Variants in WDR19 observed in about 807,000 individuals in gnomAD.
WDR19 encodes WD repeat domain 19, also known as WD repeat-containing protein 19.
In WDR19, 121 loss-of-function variants were observed where a neutral mutation model predicts 180.0. The observed-to-expected ratio is 0.67, with a 90% CI of 0.58 to 0.78. The LOEUF (loss-of-function observed/expected upper bound fraction) is 0.78. WDR19 is among the 30% of genes least tolerant of loss of function. The pLI is 0.00. For missense variants in WDR19, 1,450 were observed against 1,640.7 expected (o/e 0.88, Z 2.01); for synonymous variants, 497 against 540.7 (o/e 0.92, Z 1.12).
chr4:39,205,597 T>C lies in WDR19; in HGVS notation c.751T>C (p.Cys251Arg). 6.2e-7 allele frequency: 1 copy of C among 1,613,598 alleles called. No individual in the cohort carries two copies. Among genetic ancestry groups the C allele is most frequent in the Non-Finnish European group, 8.5e-7 (1 of 1,179,744 alleles). ...TGGCCGCATCATGATTGGTTTTTCATGTGGACATTTTGTGGTCATTTCTAC... is the reference window on the plus strand; with the variant it reads ...TGGCCGCATCATGATTGGTTTTTCACGTGGACATTTTGTGGTCATTTCTAC... ...GDGRIMIGFS[C>R]GHFVVISTHT... Residue 251 changes from cysteine to arginine, a missense_variant, in exon 9 of 37, where the codon TGT (cysteine) becomes CGT (arginine). Transcript: ENST00000399820.
At chr4:39,182,677 AAGAGAG>A (rs148579854) in intron 1 of WDR19, 114 bp downstream of exon 1, 25 of 1,404,574 alleles carry the variant, frequency 1.8e-5, no homozygotes, top group Admixed American at 8.2e-5. Context: ...GGAAATGAGG[AAGAGAG>A]AGAGAGAGAG....
chr4:39,245,698 A>G (rs562712524), intron 24 of WDR19, among the ~76,000 whole-genome samples: 1 of 152,322 alleles, frequency 6.6e-6, no homozygotes, highest in South Asian at 2.1e-4. Flanking sequence ...TTATAATGGA[A>G]GTTGAAATTT....
chr4:39,280,141 T>TTTTTTTTTTTTTTTTTTA (rs368949539), intron 36 of WDR19, among the ~76,000 whole-genome samples: 6 of 88,352 alleles, frequency 6.8e-5, no homozygotes, highest in South Asian at 4.0e-4. Context: ...TTTTTTTTTT[T>TTTTTTTTTTTTTTTTTTA]AATAGAGGCA....
chr4:39,229,247 A>T (rs1421058707), intron 17 of WDR19, among the ~76,000 whole-genome samples: 1 of 152,138 alleles, frequency 6.6e-6, no homozygotes, highest in African/African-American at 2.4e-5. Flanking sequence ...TGCTATTGTG[A>T]ATAGTGCTGC....
intron 36 of WDR19, among the ~76,000 whole-genome samples, chr4:39,281,759 C>G (rs1736563157): frequency 6.6e-6 from 1 of 152,154 alleles, no homozygotes; most frequent in South Asian, 2.1e-4. Context: ...TATGGCTTAG[C>G]TGGGTCTTCT....
intron 24 of WDR19, among the ~76,000 whole-genome samples, chr4:39,247,102 C>A (rs1387739372): frequency 6.6e-6 from 1 of 152,204 alleles, no homozygotes; most frequent in Non-Finnish European, 1.5e-5. Flanking sequence ...GAGGCACCCC[C>A]CAGTAGGGGC....
chr4:39,194,327 A>G (rs1353075811), intron 4 of WDR19, among the ~76,000 whole-genome samples: 1 of 152,244 alleles, frequency 6.6e-6, no homozygotes, highest in African/African-American at 2.4e-5. Context: ...GTCTACATTC[A>G]TTATACTTTT....
intron 28 of WDR19, among the ~76,000 whole-genome samples, chr4:39,265,641 G>T (rs1223069601): frequency 6.6e-6 from 1 of 151,728 alleles, no homozygotes; most frequent in Admixed American, 6.6e-5. Context: ...GTGTGGTGGT[G>T]CATGCCTATA....
At chr4:39,232,063 G>C (rs769343686) in intron 18 of WDR19, 99 bp from the exon 19 acceptor site, 2 of 1,507,066 alleles carry the variant, frequency 1.3e-6, no homozygotes, top group Non-Finnish European at 1.8e-6. Flanking sequence ...CAAGTGAATC[G>C]ATAGAACGTT....
intron 36 of WDR19, among the ~76,000 whole-genome samples, chr4:39,280,884 C>A (rs1207822587): frequency 2.0e-5 from 3 of 152,106 alleles, no homozygotes; most frequent in Non-Finnish European, 4.4e-5. Context: ...GGTCTTTGAT[C>A]CACTTAGTTT....
In WDR19 at chr4:39,281,215, G is replaced by GTGTGTGTGTGTGTGTATATA. The variant is rs1167602972; in HGVS notation, c.*13+2553_*13+2554insGTGTGTGTGTGTGTATATAT. Among the ~76,000 whole-genome samples, 43 of 110,130 alleles carry GTGTGTGTGTGTGTGTATATA rather than the reference G, an allele frequency of 3.9e-4. 1 individual carries two copies. The highest frequency in any genetic ancestry group is 6.9e-4 in the East Asian group (3 of 4,374). The allele number at this position is 110,130 out of a possible 152,430, so 72.2% of individuals were successfully genotyped here. The stretch of plus-strand genomic sequence containing the variant: ...TTGTCCTAAATATATATGTGTGTGT[G>GTGTGTGTGTGTGTGTATATA]TATATATATATATATATATATAGAG... On this transcript the variant is annotated intron_variant, in intron 36 of 36. Coordinates refer to ENST00000399820, the MANE Select transcript of WDR19 (RefSeq NM_025132.4).
chr4:39,183,249 G>GTTTTTTTTT (rs1345010491), intron 1 of WDR19, among the ~76,000 whole-genome samples: 1 of 22,718 alleles, frequency 4.4e-5, no homozygotes, highest in African/African-American at 1.3e-4. Context: ...GAAATGGAAG[G>GTTTTTTTTT]CTTTTTTTTT....
rs764231106 is a variant in WDR19, at chr4:39,254,003, A to C, written c.2974A>C (p.Lys992Gln). ...TTTCACACTGGCTCAGCAACACAAC[A>C]AAATGGAAATCTATGCAGATATTAT... ...EAFTLAQQHN[K>Q]MEIYADIIGS... The change falls in exon 26 of 37, where the codon AAA (lysine) becomes CAA (glutamine). Residue 992 changes from lysine (K) to glutamine (Q), a missense_variant. Physicochemically the swap from Lys to Gln is moderately conservative, Grantham distance 53. Transcript: ENST00000399820. The C allele has an allele frequency of 4.3e-6, 7 of 1,612,446 alleles. No individual in the cohort carries two copies. Among genetic ancestry groups the C allele is most frequent in the Non-Finnish European group, 5.9e-6 (7 of 1,178,864 alleles).
At chr4:39,269,506 C>A (rs1019804714) in intron 30 of WDR19, among the ~76,000 whole-genome samples, 7 of 152,200 alleles carry the variant, frequency 4.6e-5, no homozygotes, top group Non-Finnish European at 1.0e-4. Context: ...AGGACACCAC[C>A]ATTTTTCACC....
intron 36 of WDR19, among the ~76,000 whole-genome samples, chr4:39,281,991 A>T (rs1333132241): frequency 6.6e-6 from 1 of 152,164 alleles, no homozygotes; most frequent in Non-Finnish European, 1.5e-5. Flanking sequence ...AGCATCTCTC[A>T]TATTTACAAT....
At chr4:39,236,497 T>TG (rs1179630149) in intron 20 of WDR19, among the ~76,000 whole-genome samples, 1 of 151,978 alleles carries the variant, frequency 6.6e-6, no homozygotes, top group Non-Finnish European at 1.5e-5. Flanking sequence ...CTCCAAAAGG[T>TG]GGGAGGGTGG....
intron 18 of WDR19, 32 bp downstream of exon 18, chr4:39,231,988 A>C: frequency 1.3e-6 from 2 of 1,595,848 alleles, no homozygotes; most frequent in Non-Finnish European, 1.7e-6. Flanking sequence ...TATCAAGTTA[A>C]AATTTAAATG....
At chr4:39,264,922 T>TG (rs1491448909) in intron 28 of WDR19, among the ~76,000 whole-genome samples, 71 of 534 alleles carry the variant, frequency 0.13, no homozygotes, top group Admixed American at 0.44. Context: ...GGAGATGACG[T>TG]TTTTTTTTTT....
intron 28 of WDR19, among the ~76,000 whole-genome samples, chr4:39,265,446 C>A (rs931265934): frequency 5.3e-5 from 8 of 151,922 alleles, no homozygotes; most frequent in African/African-American, 1.9e-4. Flanking sequence ...ATGCTGTCCT[C>A]AAGGTGTCAT....
Sources: gnomAD v4.1 joint callset for allele counts (sites outside exome capture counted in the v4.1 genomes callset) on GRCh38, gnomAD v4.1.1 for gene constraint, MANE v1.5 for transcripts, NCBI Gene and HGNC (gene_info 2026-07-23, HGNC 2026-07-21) for gene names.